LRP2: variants seen among roughly 807,000 people sequenced by gnomAD.
LRP2 encodes the protein low-density lipoprotein receptor-related protein 2.
A neutral mutation model predicts 531.0 loss-of-function variants in LRP2; 172 were observed. The ratio of observed to expected loss-of-function variants is 0.32; its 90% confidence interval spans 0.29 to 0.37. The LOEUF (loss-of-function observed/expected upper bound fraction) is 0.37, where lower values mean the gene tolerates loss of function less well. Ranked by LOEUF, LRP2 falls within the 10% of genes least tolerant of loss-of-function variation. LRP2 has a pLI of 1.00. For synonymous variants in LRP2, 1,992 were observed against 2,027.6 expected (o/e 0.98, Z 0.47); for missense variants, 5,167 against 5,868.3 (o/e 0.88, Z 3.90).
intron 20 of LRP2, among the ~76,000 whole-genome samples, 164 bp from the exon 21 acceptor site, chr2:169,247,150 T>C (rs1690040766): frequency 6.6e-6 from 1 of 152,194 alleles, no homozygotes; most frequent in South Asian, 2.1e-4. Flanking sequence ...ACATTCCATT[T>C]AGGTATGGAA....
At chr2:169,232,823 A>C (rs1224104658) in intron 30 of LRP2, among the ~76,000 whole-genome samples, 4 of 152,228 alleles carry the variant, frequency 2.6e-5, no homozygotes, top group Admixed American at 2.6e-4. Flanking sequence ...AGAAGAGAGC[A>C]GGGAAATAGC....
At chr2:169,201,492 T>C (rs1688200653) in intron 44 of LRP2, 136 bp downstream of exon 44, 1 of 1,185,722 alleles carries the variant, frequency 8.4e-7, no homozygotes. Context: ...CTACCGCGCC[T>C]AGCCAAAAAT....
chr2:169,339,693 C>T (rs543950735), intron 1 of LRP2, among the ~76,000 whole-genome samples: 1 of 152,106 alleles, frequency 6.6e-6, no homozygotes, highest in South Asian at 2.1e-4. Flanking sequence ...GAATTACTAA[C>T]CCCTGTTATT....
chr2:169,142,128 C>T lies in LRP2; in HGVS notation c.13108+546G>A, dbSNP rs114548368. On this transcript the variant is annotated intron_variant, in intron 71 of 78. Transcript: ENST00000649046. ...GGGACACTAGTTATTCGCCCCCATCCGGCTTATTAACTCCTTAAAAGAGTC... is the reference window on the plus strand; with the variant it reads ...GGGACACTAGTTATTCGCCCCCATCTGGCTTATTAACTCCTTAAAAGAGTC... Among the ~76,000 whole-genome samples the T allele has an allele frequency of 9.6e-3, 1,456 of 152,274 alleles. 17 individuals are homozygous for T. The highest frequency in any genetic ancestry group is 0.033 in the African/African-American group (1,390 of 41,532).
intron 9 of LRP2, among the ~76,000 whole-genome samples, chr2:169,283,878 C>G (rs1416404677): frequency 1.3e-5 from 2 of 152,052 alleles, no homozygotes; most frequent in Non-Finnish European, 2.9e-5. Context: ...GGGGAGAACA[C>G]AACAAAATAT....
rs565369287 is a variant in LRP2, at chr2:169,200,142, C to T, written c.8453-1231G>A. ...GGCGGGTGCCTGTAGTCCCAGCTAC[C>T]CGGGAGGCTGAGGCAGGAGAATGGC... On this transcript the variant is annotated intron_variant, in intron 44 of 78. Transcript: ENST00000649046. 1.4e-4 allele frequency among the ~76,000 whole-genome samples: 22 copies of T among 151,934 alleles called. 1 individual carries two copies. In the East Asian group the frequency reaches 2.7e-3, roughly 19 times the overall value.
intron 43 of LRP2, 128 bp downstream of exon 43, chr2:169,202,628 T>C (rs1688240473): frequency 1.1e-6 from 1 of 940,236 alleles, no homozygotes; most frequent in Admixed American, 1.9e-5. Flanking sequence ...AGAGGAAACA[T>C]TTTTCAGCTC....
intron 1 of LRP2, among the ~76,000 whole-genome samples, chr2:169,359,744 G>A (rs1182025065): frequency 6.6e-6 from 1 of 152,158 alleles, no homozygotes; most frequent in African/African-American, 2.4e-5. Flanking sequence ...CAGGTGGTAC[G>A]AGTTGCATAT....
chr2:169,185,555 T>C lies in LRP2; in HGVS notation c.9793A>G (p.Ile3265Val). 1.2e-6 allele frequency: 2 copies of C among 1,613,976 alleles called. No homozygotes were observed. The highest frequency in any genetic ancestry group is 1.7e-6 in the Non-Finnish European group (2 of 1,180,000). The change falls in exon 50 of 79, where the codon ATA (isoleucine) becomes GTA (valine). Residue 3265 changes from isoleucine (I) to valine (V), a missense_variant. By Grantham distance (29) the Ile-to-Val change is conservative. Transcript: ENST00000649046. ...TCTGCAGCTGGTAGTCTGTGGTTTA[T>C]GATTGTCTCCTTGTTTGTCTTATTC... ...FLNKTNKETI[I>V]NHRLPAAESL... is the part of the protein sequence containing the mutation.
Position 169,186,015 on chromosome 2 carries a change from A to G in LRP2, c.9333T>C (p.Ile3111=). ...TGATTGAAGGGTCATGGCATTCATTAATGCCTGTAGGTAAAAAGCAGTTCT... is the reference window on the plus strand; with the variant it reads ...TGATTGAAGGGTCATGGCATTCATTGATGCCTGTAGGTAAAAAGCAGTTCT... ...LDNSDEKGCG[I]NECHDPSISG... Residue 3111 remains isoleucine, a synonymous_variant, in exon 50 of 79, where the codon ATT becomes ATC. Coordinates refer to ENST00000649046, the MANE Select transcript of LRP2 (RefSeq NM_004525.3). 2 of 1,613,366 alleles carry G rather than the reference A, an allele frequency of 1.2e-6. No individual in the cohort carries two copies. Among genetic ancestry groups the G allele is most frequent in the Non-Finnish European group, 1.7e-6 (2 of 1,179,886 alleles).
In LRP2 at chr2:169,307,323, G is replaced by C; in HGVS notation, c.385C>G (p.His129Asp). 6.2e-7 allele frequency: 1 copy of C among 1,613,920 alleles called. No homozygotes were observed. The highest frequency in any genetic ancestry group is 8.5e-7 in the Non-Finnish European group (1 of 1,179,858). The change falls in exon 4 of 79, where the codon CAC becomes GAC. Residue 129 changes from histidine to aspartate, a missense_variant. Coordinates refer to ENST00000649046, the MANE Select transcript of LRP2 (RefSeq NM_004525.3). ...GCTCCATCGGGGCAGTCTCTGACGT[G>C]GTCGCACCTGTATTCACTTGGGATA... ...QCIPSEYRCD[H>D]VRDCPDGADE...
chr2:169,128,621 GC>G lies in LRP2; in HGVS notation c.*41del. On this transcript the variant is annotated 3_prime_UTR_variant, in exon 79 of 79. Transcript: ENST00000649046. ...TCATCTGTTTGTAAAAAATATATGTGCAAAAGTGTGTTTCTAATTATTCCCT... is the reference window on the plus strand; with the variant it reads ...TCATCTGTTTGTAAAAAATATATGTGAAAAGTGTGTTTCTAATTATTCCCT... 1 of 1,572,378 alleles carries G rather than the reference GC, an allele frequency of 6.4e-7. No homozygotes were observed. Among genetic ancestry groups the G allele is most frequent in the Non-Finnish European group, 8.8e-7 (1 of 1,142,204 alleles).
intron 33 of LRP2, among the ~76,000 whole-genome samples, chr2:169,221,935 C>T (rs566519915): frequency 9.1e-6 from 1 of 109,920 alleles, no homozygotes; most frequent in Admixed American, 8.1e-5. Context: ...CTGTAGGCTT[C>T]ACTACAAAAT....
intron 16 of LRP2, among the ~76,000 whole-genome samples, chr2:169,262,320 C>G (rs4249429): frequency 0.16 from 9,784 of 59,602 alleles, 1,066 homozygotes; most frequent in Non-Finnish European, 0.23. Flanking sequence ...TGTTTGCAGA[C>G]GACATGATGG....
In LRP2 at chr2:169,231,708, C is replaced by T. The variant is rs762106278; in HGVS notation, c.5227+6G>A. On this transcript the variant is annotated splice_donor_region_variant and intron_variant, in intron 31 of 78. Coordinates refer to ENST00000649046, the MANE Select transcript of LRP2 (RefSeq NM_004525.3). The stretch of plus-strand genomic sequence containing the variant: ...CTTCAGAGCTCACATAAGGAGCATA[C>T]TATACCTCTCAAGCAATTCAGGAGA... The T allele has an allele frequency of 1.9e-6, 3 of 1,613,770 alleles. No homozygotes were observed. Among genetic ancestry groups the T allele is most frequent in the Non-Finnish European group, 2.5e-6 (3 of 1,179,914 alleles).
At chr2:169,138,805 GC>G in intron 74 of LRP2, 99 bp from the exon 75 acceptor site, 1 of 1,351,146 alleles carries the variant, frequency 7.4e-7, no homozygotes, top group Non-Finnish European at 1.0e-6. Flanking sequence ...CCTCCACATT[GC>G]CAAATCTTCC....
At chr2:169,182,509 G>C in intron 50 of LRP2, 190 bp from the exon 51 acceptor site, 1 of 1,478,554 alleles carries the variant, frequency 6.8e-7, no homozygotes, top group South Asian at 1.3e-5. Context: ...GAGGGTGCAA[G>C]ACTGTGTGCA....
rs1460122617 is a variant in LRP2 at position 169,225,252 on chromosome 2, T to G, written c.5538+58A>C. 24 of 1,557,764 alleles carry G rather than the reference T, an allele frequency of 1.5e-5. 1 individual carries two copies. The Admixed American group carries it at 4.0e-4, about 26-fold the overall frequency. On this transcript the variant is annotated intron_variant, in intron 33 of 78. Transcript: ENST00000649046. ...TCCACGTGAGATCTATTCCTGAGAC[T>G]AGAGTTTACATCAATCTAAATCCAA...
At chr2:169,158,205 T>C (rs188411069) in intron 63 of LRP2, among the ~76,000 whole-genome samples, 59 of 151,974 alleles carry the variant, frequency 3.9e-4, no homozygotes, top group South Asian at 1.0e-3. Flanking sequence ...AGGAAAGAAA[T>C]TTTGTACTAT....
Sources: allele counts gnomAD v4.1 joint callset (sites outside exome capture counted in the v4.1 genomes callset), GRCh38; gene constraint gnomAD v4.1.1; transcripts MANE v1.5; gene names NCBI Gene and HGNC (gene_info 2026-07-23, HGNC 2026-07-21).